The following DMD variants were observed in gnomAD, a reference collection of about 807,000 sequenced individuals.
DMD encodes the protein dystrophin.
Under a neutral mutation model 330.1 loss-of-function variants are expected in DMD, and 63 were observed. The observed-to-expected ratio is 0.19, with a 90% confidence interval of 0.16 to 0.24. DMD has a LOEUF of 0.24. Among genes scored for constraint, DMD ranks in the 10% least tolerant of loss-of-function variants. The pLI is 1.00. For missense variants in DMD, 3,344 were observed against 2,684.1 expected, an observed-to-expected ratio of 1.25 and a Z score of -5.43; for synonymous variants, 1,223 against 959.8, an observed-to-expected ratio of 1.27 and a Z score of -5.07.
chrX:32,976,269 A>G (rs1961230449), intron 2 of DMD, among the ~76,000 whole-genome samples: 1 of 110,413 alleles, frequency 9.1e-6, no homozygotes, highest in South Asian at 3.9e-4. Context: ...AACTGGGCAC[A>G]CCACCATACC....
At chrX:32,344,484 A>G (rs1381074491) in intron 39 of DMD, among the ~76,000 whole-genome samples, 1 of 110,973 alleles carries the variant, frequency 9.0e-6, no homozygotes, top group Non-Finnish European at 1.9e-5. Flanking sequence ...GGGAATTTAA[A>G]CCTTGCTGTA....
chrX:32,920,546 T>C lies in DMD; in HGVS notation c.94-70726A>G, dbSNP rs1168512457. 2.7e-5 allele frequency among the ~76,000 whole-genome samples: 3 copies of C among 111,984 alleles called. No individual in the cohort carries two copies. In the East Asian group the frequency reaches 8.4e-4, roughly 31 times the overall value. ...CCATCTGTCCCTTTCCCTATCCTTCTTATCACACATGGGAAAAACTCAATT... is the reference window on the plus strand; with the variant it reads ...CCATCTGTCCCTTTCCCTATCCTTCCTATCACACATGGGAAAAACTCAATT... On this transcript the variant is annotated intron_variant, in intron 2 of 78. Coordinates refer to ENST00000357033, the MANE Select transcript of DMD (RefSeq NM_004006.3).
chrX:32,301,546 A>C (rs192652423), intron 42 of DMD, among the ~76,000 whole-genome samples: 2 of 111,147 alleles, frequency 1.8e-5, no homozygotes, highest in Admixed American at 1.9e-4. Flanking sequence ...CTTTTGAAAG[A>C]CTTGACAATT....
intron 2 of DMD, among the ~76,000 whole-genome samples, chrX:32,978,258 A>G (rs1216018808): frequency 8.9e-6 from 1 of 111,744 alleles, no homozygotes; most frequent in Non-Finnish European, 1.9e-5. Flanking sequence ...TCCCTGTGCT[A>G]AGAGGCAGCC....
intron 27 of DMD, among the ~76,000 whole-genome samples, chrX:32,444,027 G>A (rs971098789): frequency 1.8e-5 from 2 of 110,318 alleles, no homozygotes; most frequent in Non-Finnish European, 3.8e-5. Context: ...GTAGAAAGTG[G>A]AAAATCAAGC....
At chrX:32,438,501 T>G in intron 28 of DMD, 111 bp from the exon 29 acceptor site, 1 of 939,366 alleles carries the variant, frequency 1.1e-6, no homozygotes, top group South Asian at 2.2e-5. Flanking sequence ...CATAATCAAT[T>G]TAAAGCAAAT....
At chrX:32,539,712 G>A (rs1603635827) in intron 17 of DMD, among the ~76,000 whole-genome samples, 1 of 111,615 alleles carries the variant, frequency 9.0e-6, no homozygotes, top group African/African-American at 3.3e-5. Context: ...TCTTTCCAGA[G>A]ATGTGACACA....
intron 9 of DMD, among the ~76,000 whole-genome samples, chrX:32,672,434 A>G (rs1174532260): frequency 9.0e-6 from 1 of 111,567 alleles, no homozygotes; most frequent in Non-Finnish European, 1.9e-5. Context: ...TTATTAAATC[A>G]TGGGAAAACA....
chrX:31,871,660 CT>C (rs778920945), intron 48 of DMD, among the ~76,000 whole-genome samples: 40 of 109,068 alleles, frequency 3.7e-4, no homozygotes, highest in Middle Eastern at 4.7e-3. Flanking sequence ...GTTCGTATAT[CT>C]ACTTCCTTTG....
At chrX:32,336,901 G>T (rs1050659332) in intron 41 of DMD, among the ~76,000 whole-genome samples, 1 of 111,635 alleles carries the variant, frequency 9.0e-6, no homozygotes, top group Non-Finnish European at 1.9e-5. Context: ...GGGAGACAAA[G>T]TGTGAGTAAC....
At chrX:32,128,155 T>A (rs2096670968) in intron 44 of DMD, among the ~76,000 whole-genome samples, 1 of 112,422 alleles carries the variant, frequency 8.9e-6, no homozygotes, top group Non-Finnish European at 1.9e-5. Flanking sequence ...TAAAATTATA[T>A]GATTAAAAAG....
At position 33,114,352 on chromosome X, in the gene DMD, C is replaced by T. The variant is rs767684521; in HGVS notation, c.32-94152G>A. On this transcript the variant is annotated intron_variant, in intron 1 of 78. Transcript: ENST00000357033. ...CTCGAACTCCTGACCTCAGGTGATC[C>T]GCCTGCCTCAGACTCCCAAAGTGCT... 7.3e-5 allele frequency among the ~76,000 whole-genome samples: 8 copies of T among 110,213 alleles called. No homozygotes were observed. The East Asian group carries it at 1.1e-3, about 16-fold the overall frequency.
chrX:32,095,187 T>C (rs2096497401), intron 44 of DMD, among the ~76,000 whole-genome samples: 1 of 111,501 alleles, frequency 9.0e-6, no homozygotes, highest in Admixed American at 9.6e-5. Flanking sequence ...GGCCCTGTCT[T>C]TTTGAATCAT....
intron 34 of DMD, among the ~76,000 whole-genome samples, chrX:32,373,316 CAAG>C (rs763431415): frequency 6.4e-5 from 7 of 108,824 alleles, no homozygotes; most frequent in Non-Finnish European, 9.6e-5. Flanking sequence ...GATACTCATT[CAAG>C]AAGAAGACAT....
In DMD at chrX:31,509,802, T is replaced by C. The variant is rs749575219; in HGVS notation, c.8218-2349A>G. The stretch of plus-strand genomic sequence containing the variant: ...TGATAAACAAGCATTTATTGAGGAC[T>C]GATTTATTGTCTAGTTTTAGCACTT... On this transcript the variant is annotated intron_variant, in intron 55 of 78. Coordinates refer to ENST00000357033, the MANE Select transcript of DMD (RefSeq NM_004006.3). Among the ~76,000 whole-genome samples, 6 of 112,441 alleles carry C rather than the reference T, an allele frequency of 5.3e-5. No individual in the cohort carries two copies. The South Asian group carries it at 2.2e-3, about 42-fold the overall frequency.
intron 7 of DMD, among the ~76,000 whole-genome samples, chrX:32,753,611 T>A (rs1328633643): frequency 1.8e-5 from 2 of 112,193 alleles, no homozygotes; most frequent in East Asian, 5.6e-4. Flanking sequence ...ATTGGCTTTC[T>A]TAAAATCTGA....
chrX:32,016,514 T>C (rs1188081437), intron 44 of DMD, among the ~76,000 whole-genome samples: 3 of 111,270 alleles, frequency 2.7e-5, no homozygotes, highest in Non-Finnish European at 1.9e-5. Context: ...AGCACATCTT[T>C]TTCTCTCCAG....
intron 1 of DMD, among the ~76,000 whole-genome samples, chrX:33,076,610 G>T (rs2094845601): frequency 9.0e-6 from 1 of 111,318 alleles, no homozygotes; most frequent in South Asian, 3.8e-4. Flanking sequence ...AAGAAAAGTT[G>T]GTTACCCTAA....
chrX:32,543,750 A>G (rs1045734446), intron 17 of DMD, among the ~76,000 whole-genome samples: 1 of 111,866 alleles, frequency 8.9e-6, no homozygotes, highest in African/African-American at 3.3e-5. Context: ...GTTGCCACAA[A>G]AAGAATGCTA....
Sources: allele counts gnomAD v4.1 joint callset (sites outside exome capture counted in the v4.1 genomes callset), GRCh38; gene constraint gnomAD v4.1.1; transcripts MANE v1.5; gene names NCBI Gene and HGNC (gene_info 2026-07-23, HGNC 2026-07-21).